Variants in TNC observed in about 807,000 individuals in gnomAD.
TNC encodes the protein tenascin C, also known as tenascin.
A neutral mutation model predicts 202.4 loss-of-function variants in TNC; 109 were observed. That is an observed-to-expected ratio of 0.54 (90% CI 0.46 to 0.63). The LOEUF is 0.63. TNC is among the 30% of genes least tolerant of loss of function. The probability of loss-of-function intolerance (pLI) is 0.00; values close to 1 mark genes in which losing one functional copy is unlikely to be tolerated. For missense variants in TNC, 2,756 were observed against 2,833.3 expected (o/e 0.97, Z 0.62); for synonymous variants, 1,007 against 1,089.7 (o/e 0.92, Z 1.50).
intron 22 of TNC, among the ~76,000 whole-genome samples, chr9:115,032,743 T>G (rs1163357830): frequency 6.6e-6 from 1 of 152,206 alleles, no homozygotes; most frequent in Non-Finnish European, 1.5e-5. Flanking sequence ...CTCACATGTC[T>G]CTCTTCTAGA....
chr9:115,076,674 G>C, intron 7 of TNC, 99 bp from the exon 8 acceptor site: 1 of 1,351,896 alleles, frequency 7.4e-7, no homozygotes. Context: ...CCTGGAACTG[G>C]AGAGAAATTA....
intron 1 of TNC, among the ~76,000 whole-genome samples, chr9:115,103,196 GTA>G (rs2134089005): frequency 6.6e-6 from 1 of 152,340 alleles, no homozygotes; most frequent in Admixed American, 6.5e-5. Flanking sequence ...TAAGAGCTCA[GTA>G]CTTTCTACTT....
At chr9:115,063,737 G>C in intron 12 of TNC, 59 bp downstream of exon 12, 1 of 1,548,622 alleles carries the variant, frequency 6.5e-7, no homozygotes, top group Non-Finnish European at 8.8e-7. Context: ...AAAGTGCTTT[G>C]ATTCCTCCCG....
At chr9:115,092,613 G>A (rs1941921773) in intron 1 of TNC, among the ~76,000 whole-genome samples, 1 of 152,082 alleles carries the variant, frequency 6.6e-6, no homozygotes, top group Admixed American at 6.5e-5. Flanking sequence ...TCACTCTGTT[G>A]TCCAGGCTGG....
In TNC at chr9:115,063,067, G is replaced by C; in HGVS notation, c.3883C>G (p.Gln1295Glu). The change falls in exon 13 of 28, where the codon CAG (glutamine) becomes GAG (glutamate). Residue 1295 changes from glutamine to glutamate, a missense_variant. By Grantham distance (29) the Gln-to-Glu change is conservative. Transcript: ENST00000350763. ...GTGAGATTGTGAGCCTCTTCCACCT[G>C]GTCAGCCTCCTGGACCTGAATAGTA... is the stretch of plus-strand genomic sequence containing the variant. ...QFTIQVQEAD[Q>E]VEEAHNLTVP... 6.2e-7 allele frequency: 1 copy of C among 1,614,096 alleles called. No homozygotes were observed. The highest frequency in any genetic ancestry group is 8.5e-7 in the Non-Finnish European group (1 of 1,180,024).
chr9:115,103,976 A>G (rs541723783), intron 1 of TNC, among the ~76,000 whole-genome samples: 2,513 of 152,286 alleles, frequency 0.017, 46 homozygotes, highest in Non-Finnish European at 0.027. Context: ...AGATCCATTG[A>G]TACATTCAGA....
intron 20 of TNC, among the ~76,000 whole-genome samples, chr9:115,036,767 G>A (rs1377751200): frequency 2.0e-5 from 3 of 152,198 alleles, no homozygotes; most frequent in East Asian, 3.8e-4. Flanking sequence ...GTCCAGTGGT[G>A]GAAAGCAATA....
chr9:115,040,099 A>G (rs926058603), intron 19 of TNC, among the ~76,000 whole-genome samples: 5 of 152,216 alleles, frequency 3.3e-5, no homozygotes, highest in Non-Finnish European at 7.3e-5. Context: ...TTCTCCTTCA[A>G]TGCAATTCAT....
At chr9:115,068,321 C>T (rs572598852) in intron 10 of TNC, among the ~76,000 whole-genome samples, 1 of 152,206 alleles carries the variant, frequency 6.6e-6, no homozygotes, top group Non-Finnish European at 1.5e-5. Flanking sequence ...CATTGCTGTG[C>T]TCCTGGTGGG....
intron 1 of TNC, among the ~76,000 whole-genome samples, chr9:115,106,623 C>T (rs1243664287): frequency 6.6e-6 from 1 of 152,078 alleles, no homozygotes; most frequent in Non-Finnish European, 1.5e-5. Context: ...GCCTGCTCTC[C>T]TTGAGTCTGA....
At chr9:115,111,552 G>A (rs796491908) in intron 1 of TNC, among the ~76,000 whole-genome samples, 22 of 151,728 alleles carry the variant, frequency 1.4e-4, no homozygotes, top group African/African-American at 5.3e-4. Flanking sequence ...GGGATTACAG[G>A]TGCCCACCAC....
chr9:115,083,536 C>T (rs1834467234), intron 4 of TNC, among the ~76,000 whole-genome samples: 1 of 151,778 alleles, frequency 6.6e-6, no homozygotes, highest in Non-Finnish European at 1.5e-5. Context: ...TCAGTTTCCT[C>T]ATCTGTAAAA....
chr9:115,027,555 A>C (rs1038182208), intron 25 of TNC, among the ~76,000 whole-genome samples: 3 of 152,212 alleles, frequency 2.0e-5, no homozygotes, highest in Admixed American at 2.0e-4. Flanking sequence ...ACACCACTGC[A>C]TTCCAGCCTC....
rs1177948935 is a variant in TNC at position 115,087,787 on chromosome 9, C to T, written c.458-514G>A. Among the ~76,000 whole-genome samples, 9 of 151,166 alleles carry T rather than the reference C, an allele frequency of 6.0e-5. No homozygotes were observed. The South Asian group carries it at 6.3e-4, about 11-fold the overall frequency. On this transcript the variant is annotated intron_variant, in intron 2 of 27. Coordinates refer to ENST00000350763, the MANE Select transcript of TNC (RefSeq NM_002160.4). The stretch of plus-strand genomic sequence containing the variant: ...CGCCATCTTGGCTCACTGCAAGCTC[C>T]GCCTCCTGGGTTCATGCCATTCTCC...
chr9:115,056,859 T>C (rs1588081968), intron 15 of TNC, among the ~76,000 whole-genome samples: 1 of 152,236 alleles, frequency 6.6e-6, no homozygotes, highest in Non-Finnish European at 1.5e-5. Context: ...TATAGCTTTT[T>C]AGTTATGAGA....
At position 115,086,678 on chromosome 9, in the gene TNC, G is replaced by C; in HGVS notation, c.1053C>G (p.His351Gln). 1 of 1,614,184 alleles carries C rather than the reference G, an allele frequency of 6.2e-7. No individual in the cohort carries two copies. The highest frequency in any genetic ancestry group is 8.5e-7 in the Non-Finnish European group (1 of 1,180,056). Reference sequence around the variant, plus strand: ...GCCCCTCCTCACACCGGCCCTGGGTGTGGCAGGCATGTGGGCAGGTGGGTT... The same window carrying C: ...GCCCCTCCTCACACCGGCCCTGGGTCTGGCAGGCATGTGGGCAGGTGGGTT... ...CGKPTCPHAC[H>Q]TQGRCEEGQC... Residue 351 changes from histidine to glutamine, a missense_variant, in exon 3 of 28, where the codon CAC (histidine) becomes CAG (glutamine). By Grantham distance (24) the His-to-Gln change is conservative. Coordinates refer to ENST00000350763, the MANE Select transcript of TNC (RefSeq NM_002160.4).
intron 15 of TNC, chr9:115,052,692 T>C (rs1168390726): frequency 1.5e-6 from 1 of 660,138 alleles, no homozygotes; most frequent in East Asian, 2.7e-5. Context: ...AGATGACTTA[T>C]CTCCTTTTCT....
At chr9:115,027,568 C>G (rs541262261) in intron 25 of TNC, among the ~76,000 whole-genome samples, 31 of 152,004 alleles carry the variant, frequency 2.0e-4, no homozygotes, top group Middle Eastern at 6.8e-3. Context: ...CCAGCCTCGG[C>G]GACAGAGTGA....
At chr9:115,060,105 A>AC in intron 13 of TNC, 103 bp from the exon 14 acceptor site, 1 of 1,029,228 alleles carries the variant, frequency 9.7e-7, no homozygotes, top group South Asian at 2.2e-5. Flanking sequence ...GGGAAAGATA[A>AC]TTTTTTTTTT....
Sources: allele counts gnomAD v4.1 joint callset (sites outside exome capture counted in the v4.1 genomes callset), GRCh38; gene constraint gnomAD v4.1.1; transcripts MANE v1.5; gene names NCBI Gene and HGNC (gene_info 2026-07-23, HGNC 2026-07-21).